ZNF653: variants seen among roughly 807,000 people sequenced by gnomAD.
ZNF653 encodes the protein zinc finger protein 653, also known as 67 kDa zinc finger protein.
ZNF653 carries 37 observed loss-of-function variants against 59.9 expected under a neutral mutation model. That is an observed-to-expected ratio of 0.62 (90% CI 0.48 to 0.81). The LOEUF is 0.81. ZNF653 is among the 40% of genes least tolerant of loss of function. The pLI is 0.00. For synonymous variants in ZNF653, 435 were observed against 371.8 expected (o/e 1.17, Z -1.96); for missense variants, 808 against 881.1 (o/e 0.92, Z 1.05).
intron 3 of ZNF653, among the ~76,000 whole-genome samples, chr19:11,490,268 T>G (rs1971516664): frequency 6.6e-6 from 1 of 152,196 alleles, no homozygotes; most frequent in Admixed American, 6.5e-5. Context: ...CAGGGCAAGA[T>G]ACGGGGGTAT....
At chr19:11,504,682 C>A (rs61743638) in intron 1 of ZNF653, 6 of 509,622 alleles carry the variant, frequency 1.2e-5, no homozygotes, top group Middle Eastern at 9.9e-4. Flanking sequence ...GATTTCCTTG[C>A]GGCACTGCTT....
intron 2 of ZNF653, 100 bp from the exon 3 acceptor site, chr19:11,496,265 G>A: frequency 8.2e-7 from 1 of 1,215,132 alleles, no homozygotes; most frequent in Non-Finnish European, 1.2e-6. Flanking sequence ...CCATGGGTTT[G>A]GAGGCCCTCC....
At position 11,483,768 on chromosome 19, in the gene ZNF653, A is replaced by C; in HGVS notation, c.1762T>G (p.Cys588Gly). The C allele has an allele frequency of 6.2e-7, 1 of 1,613,576 alleles. No individual in the cohort carries two copies. Among genetic ancestry groups the C allele is most frequent in the East Asian group, 2.2e-5 (1 of 44,856 alleles). ...TCGAAGCGCTTCCCGCAGCGATCGC[A>C]CGTGAAGTTGTACTGCACCTCCGCA... ...HTAEVQYNFT[C>G]DRCGKRFEKL... Residue 588 changes from cysteine (C) to glycine (G), a missense_variant, in exon 9 of 9, where the codon TGC becomes GGC. By Grantham distance (159) the Cys-to-Gly change is radical. Coordinates refer to ENST00000293771, the MANE Select transcript of ZNF653 (RefSeq NM_138783.4).
chr19:11,488,213 G>A (rs1293838993), intron 3 of ZNF653, among the ~76,000 whole-genome samples: 25 of 150,294 alleles, frequency 1.7e-4, no homozygotes, highest in African/African-American at 6.1e-4. Flanking sequence ...GCAGTGGCGC[G>A]ATCTCTGCTC....
At position 11,483,607 on chromosome 19, in the gene ZNF653, C is replaced by T; in HGVS notation, c.*75G>A. On this transcript the variant is annotated 3_prime_UTR_variant, in exon 9 of 9. Transcript: ENST00000293771. ...CCCGCGGTCCGGGCGGCCCTCGCAG[C>T]TGTCCAGGCCCCGGCAAGCCCGGGC... 6.5e-7 allele frequency: 1 copy of T among 1,543,186 alleles called. No individual in the cohort carries two copies. Among genetic ancestry groups the T allele is most frequent in the Non-Finnish European group, 8.8e-7 (1 of 1,138,608 alleles).
rs1971487068 is a variant in ZNF653, at chr19:11,487,858, CCAGAGCTGGATGAGT to C, written c.590_604del (p.Asp197_Ser201del). 6.2e-7 allele frequency: 1 copy of C among 1,608,256 alleles called. No homozygotes were observed. The highest frequency in any genetic ancestry group is 8.5e-7 in the Non-Finnish European group (1 of 1,176,954). On this transcript the variant is annotated inframe_deletion, in exon 4 of 9. Transcript: ENST00000293771. The surrounding 1 kb of genome is among the most constrained non-coding windows in gnomAD (Gnocchi z 5.1). ...AGACTCCTCAGAGTCAGAGGCAGAG[CCAGAGCTGGATGAGT>C]CAGAGCTGCCAGCCACCAGCCCATT... is the stretch of plus-strand genomic sequence containing the variant.
Position 11,484,028 on chromosome 19 carries a change from G to T in ZNF653, c.1670+14C>A. 6.4e-7 allele frequency: 1 copy of T among 1,551,732 alleles called. No homozygotes were observed. The highest frequency in any genetic ancestry group is 8.7e-7 in the Non-Finnish European group (1 of 1,147,620). ...ACCCAATCCTCTAGCGGCACGGGGC[G>T]GCCTGTCACTCACTGCAGGGGGGTC... On this transcript the variant is annotated intron_variant, in intron 8 of 8. Transcript: ENST00000293771.
Position 11,487,090 on chromosome 19 carries a change from T to G in ZNF653, c.1240A>C (p.Thr414Pro). 1 of 1,613,980 alleles carries G rather than the reference T, an allele frequency of 6.2e-7. No individual in the cohort carries two copies. The change falls in exon 5 of 9, where the codon ACG (threonine) becomes CCG (proline). Residue 414 changes from threonine to proline, a missense_variant. Physicochemically the swap from Thr to Pro is conservative, Grantham distance 38. Transcript: ENST00000293771. This position sits in a 1 kb window ranked among gnomAD's most constrained non-coding sequence, Gnocchi z 5.1. ...EEPVAPELAT[T>P]VPESAEPEAE... ...TCAGGCTCTGCGCTCTCAGGCACCGTTGTTGCCAGCTCCGGGGCTACTGGC... is the reference window on the plus strand; with the variant it reads ...TCAGGCTCTGCGCTCTCAGGCACCGGTGTTGCCAGCTCCGGGGCTACTGGC...
At chr19:11,504,139 C>T (rs1454358995) in intron 1 of ZNF653, among the ~76,000 whole-genome samples, 2 of 152,088 alleles carry the variant, frequency 1.3e-5, no homozygotes, top group East Asian at 1.9e-4. Flanking sequence ...CGGTGGCTCA[C>T]GCCTGTAATC....
At position 11,495,731 on chromosome 19, in the gene ZNF653, T is replaced by G; in HGVS notation, c.559+219A>C. 7.2e-6 allele frequency: 4 copies of G among 556,712 alleles called. No homozygotes were observed. The highest frequency in any genetic ancestry group is 1.3e-5 in the Non-Finnish European group (4 of 310,370). 34.5% of individuals were successfully genotyped at this position (556,712 alleles called of 1,614,324 possible). Reference sequence around the variant, plus strand: ...GGGCACAGATTGGCAAACTGCTCCATAAAGAGGGACTGCCTCCCCACTCAA... The same window carrying G: ...GGGCACAGATTGGCAAACTGCTCCAGAAAGAGGGACTGCCTCCCCACTCAA... On this transcript the variant is annotated intron_variant, in intron 3 of 8. Transcript: ENST00000293771. This position sits in a 1 kb window ranked among gnomAD's most constrained non-coding sequence, Gnocchi z 4.9.
Position 11,487,276 on chromosome 19 carries a change from GAC to G in ZNF653, c.1171+14_1171+15del. The G allele has an allele frequency of 6.2e-7, 1 of 1,607,170 alleles. No homozygotes were observed. Among genetic ancestry groups the G allele is most frequent in the Middle Eastern group, 1.7e-4 (1 of 6,032 alleles). On this transcript the variant is annotated intron_variant, in intron 4 of 8. Transcript: ENST00000293771. The surrounding 1 kb of genome is among the most constrained non-coding windows in gnomAD (Gnocchi z 5.1). ...CCAACCACCCCTGGCCAGAGGCCAC[GAC>G]AGGTCCCCCAGACCTTTCTTGGTCT...
At chr19:11,490,037 G>A (rs1439235978) in intron 3 of ZNF653, among the ~76,000 whole-genome samples, 2 of 152,134 alleles carry the variant, frequency 1.3e-5, no homozygotes, top group Admixed American at 6.5e-5. Flanking sequence ...CAAGTTAAAG[G>A]CTCAGTCCCA....
chr19:11,494,852 A>G (rs1300592824), intron 3 of ZNF653, among the ~76,000 whole-genome samples: 1 of 152,174 alleles, frequency 6.6e-6, no homozygotes, highest in African/African-American at 2.4e-5. Context: ...GGCTGATGAC[A>G]AGGCCATGGG....
chr19:11,485,810 C>T (rs1302155306), intron 6 of ZNF653, 40 bp from the exon 7 acceptor site: 1 of 1,509,230 alleles, frequency 6.6e-7, no homozygotes, highest in Non-Finnish European at 9.2e-7. Context: ...CATAGGCCCA[C>T]AGAAGGGGCT....
At chr19:11,492,642 C>G (rs1186648313) in intron 3 of ZNF653, among the ~76,000 whole-genome samples, 1 of 152,138 alleles carries the variant, frequency 6.6e-6, no homozygotes, top group Non-Finnish European at 1.5e-5. Flanking sequence ...CTGTGCCCAG[C>G]CTGCACTCTA....
intron 7 of ZNF653, among the ~76,000 whole-genome samples, chr19:11,484,401 T>C (rs1410642332): frequency 1.3e-5 from 2 of 151,994 alleles, no homozygotes; most frequent in East Asian, 3.9e-4. Context: ...GTCTTGTGTG[T>C]GTGTATATAT....
At position 11,487,112 on chromosome 19, in the gene ZNF653, T is replaced by C. The variant is rs745818449; in HGVS notation, c.1218A>G (p.Pro406=). Residue 406 remains proline (P), a synonymous_variant, in exon 5 of 9, where the codon CCA becomes CCG. Transcript: ENST00000293771. This position sits in a 1 kb window ranked among gnomAD's most constrained non-coding sequence, Gnocchi z 5.1. The part of the protein sequence containing the change: ...CLLKKEEKEE[P]VAPELATTVP... ...CCGTTGTTGCCAGCTCCGGGGCTAC[T>C]GGCTCCTCCTTCTCCTCCTTCTTTA... The C allele has an allele frequency of 6.2e-7, 1 of 1,613,496 alleles. No individual in the cohort carries two copies. Among genetic ancestry groups the C allele is most frequent in the South Asian group, 1.1e-5 (1 of 91,084 alleles).
Position 11,483,801 on chromosome 19 carries a change from T to G in ZNF653, c.1729A>C (p.Lys577Gln). The G allele has an allele frequency of 6.2e-7, 1 of 1,612,432 alleles. No homozygotes were observed. The highest frequency in any genetic ancestry group is 8.5e-7 in the Non-Finnish European group (1 of 1,179,294). ...TTGTACTGCACCTCCGCAGTGTGCT[T>G]CTTCATGTGCCAGTTGAGCGACGCG... Reference protein sequence around the residue: ...QRASLNWHMKKHTAEVQYNFT... With the variant: ...QRASLNWHMKQHTAEVQYNFT... Residue 577 changes from lysine (K) to glutamine (Q), a missense_variant, in exon 9 of 9, where the codon AAG becomes CAG. Lys to Gln is a moderately conservative substitution (Grantham distance 53). Coordinates refer to ENST00000293771, the MANE Select transcript of ZNF653 (RefSeq NM_138783.4).
chr19:11,504,700 G>T, intron 1 of ZNF653: 1 of 338,624 alleles, frequency 3.0e-6, no homozygotes, highest in Non-Finnish European at 4.2e-6. Flanking sequence ...CTTGTGATAC[G>T]GAATAAACGT....
Sources: allele counts gnomAD v4.1 joint callset (sites outside exome capture counted in the v4.1 genomes callset), GRCh38; gene constraint gnomAD v4.1.1; non-coding constraint Gnocchi (gnomAD v3.1); transcripts MANE v1.5; gene names NCBI Gene and HGNC (gene_info 2026-07-23, HGNC 2026-07-21).